Variants in PCDH9 observed in about 807,000 individuals in gnomAD.
PCDH9 encodes the protein protocadherin 9, also known as protocadherin-9.
Under a neutral mutation model 70.6 loss-of-function variants are expected in PCDH9, and 24 were observed. That is an observed-to-expected ratio of 0.34 (90% CI 0.25 to 0.48). The LOEUF (loss-of-function observed/expected upper bound fraction) is 0.48, where lower values mean the gene tolerates loss of function less well. PCDH9 is among the 20% of genes least tolerant of loss of function. PCDH9 has a pLI of 0.99. For synonymous variants in PCDH9, 562 were observed against 558.5 expected (o/e 1.01, Z -0.09); for missense variants, 1,281 against 1,503.6 (o/e 0.85, Z 2.45).
rs1316351036 is a variant in PCDH9, at chr13:67,228,068, G to A, written c.373C>T (p.Leu125=). The A allele has an allele frequency of 1.2e-6, 2 of 1,613,908 alleles. No individual in the cohort carries two copies. Among genetic ancestry groups the A allele is most frequent in the Admixed American group, 1.7e-5 (1 of 59,982 alleles). The change falls in exon 2 of 5, where the codon CTG becomes TTG. Residue 125 remains leucine, a synonymous_variant. Transcript: ENST00000377865. ...VVILPNDFFR[L]IKIKIIVKDT... ...TTGACAATTATTTTTATTTTGATCA[G>A]CCTGAAGAAATCATTGGGGAGGATC...
chr13:66,744,093 A>T (rs1185693804), intron 3 of PCDH9, among the ~76,000 whole-genome samples: 2 of 152,210 alleles, frequency 1.3e-5, no homozygotes, highest in African/African-American at 4.8e-5. Flanking sequence ...TCTTCTCGCA[A>T]AATCATGACT....
Position 67,165,087 on chromosome 13 carries a change from T to C in PCDH9, c.3036+60318A>G, listed in dbSNP as rs1465765653. ...ATAAAGTGTGTTGAAAAACAATATA[T>C]AAAAGAATAAATTAATTAAAAATTT... On this transcript the variant is annotated intron_variant, in intron 2 of 4. Coordinates refer to ENST00000377865, the MANE Select transcript of PCDH9 (RefSeq NM_203487.3). Among the ~76,000 whole-genome samples the C allele has an allele frequency of 2.6e-5, 4 of 152,064 alleles. No individual in the cohort carries two copies. In the East Asian group the frequency reaches 7.7e-4, roughly 29 times the overall value.
chr13:66,551,409 C>T (rs1188100324), intron 4 of PCDH9, among the ~76,000 whole-genome samples: 29 of 152,088 alleles, frequency 1.9e-4, no homozygotes, highest in Non-Finnish European at 1.2e-4. Flanking sequence ...GCTTTCTCTC[C>T]TCTGTTAAAA....
chr13:67,056,744 T>C (rs901274577), intron 2 of PCDH9, among the ~76,000 whole-genome samples: 6 of 152,154 alleles, frequency 3.9e-5, no homozygotes, highest in African/African-American at 1.4e-4. Context: ...ATAATATATG[T>C]AAAGCACTTA....
At chr13:66,540,279 A>T (rs1392239244) in intron 4 of PCDH9, among the ~76,000 whole-genome samples, 1 of 152,148 alleles carries the variant, frequency 6.6e-6, no homozygotes, top group Non-Finnish European at 1.5e-5. Context: ...ACATTTACAT[A>T]TTCATGAAGG....
rs112731208 is a variant in PCDH9 at position 66,601,989 on chromosome 13, C to T, written c.3340+29221G>A. On this transcript the variant is annotated intron_variant, in intron 4 of 4. Transcript: ENST00000377865. ...TACTATATTTTACTCTTTCTTTTAG[C>T]ACATACTCCTTCTACTTATTAAAAA... Among the ~76,000 whole-genome samples the T allele has an allele frequency of 4.9e-4, 71 of 145,758 alleles. 6 individuals carry two copies. The highest frequency in any genetic ancestry group is 1.6e-3 in the African/African-American group (65 of 40,568).
Position 67,225,525 on chromosome 13 carries a change from G to C in PCDH9, c.2916C>G (p.Thr972=). ...AAAGGGTGTCACAACCCCCAACAAA[G>C]GTGTTGTCCAAAGGGAGTTCCTGAA... The part of the protein sequence containing the change: ...HVIQELPLDN[T]FVGGCDTLSK... The change falls in exon 2 of 5, where the codon ACC becomes ACG. Residue 972 remains threonine, a synonymous_variant. Transcript: ENST00000377865. The C allele has an allele frequency of 6.2e-7, 1 of 1,614,038 alleles. No homozygotes were observed. The highest frequency in any genetic ancestry group is 8.5e-7 in the Non-Finnish European group (1 of 1,179,982).
chr13:66,753,032 C>A (rs147020343), intron 3 of PCDH9, among the ~76,000 whole-genome samples: 1 of 152,084 alleles, frequency 6.6e-6, no homozygotes, highest in East Asian at 1.9e-4. Context: ...ATTTTGGAGT[C>A]TTCTAAAAAG....
intron 3 of PCDH9, among the ~76,000 whole-genome samples, chr13:66,822,614 C>T (rs1423542632): frequency 6.6e-6 from 1 of 150,840 alleles, no homozygotes; most frequent in Non-Finnish European, 1.5e-5. Flanking sequence ...GCAGCCTCTC[C>T]TCCTGGGTTC....
At chr13:67,217,793 A>G (rs1339820365) in intron 2 of PCDH9, 1 of 152,054 alleles carries the variant, frequency 6.6e-6, no homozygotes, top group Non-Finnish European at 1.5e-5. Context: ...GAGTCTGCAT[A>G]CACAATTGAG....
chr13:66,771,038 A>G lies in PCDH9; in HGVS notation c.3138+132466T>C, dbSNP rs181363154. The stretch of plus-strand genomic sequence containing the variant: ...TCCAGTATGGCTATTATGTTCCACT[A>G]TGTCTTCACAGCACTCATCTGAAAT... On this transcript the variant is annotated intron_variant, in intron 3 of 4. Transcript: ENST00000377865. Among the ~76,000 whole-genome samples, 6 of 152,238 alleles carry G rather than the reference A, an allele frequency of 3.9e-5. No homozygotes were observed. The East Asian group carries it at 9.7e-4, about 24-fold the overall frequency.
chr13:66,700,922 A>ATG (rs1566514236), intron 3 of PCDH9, among the ~76,000 whole-genome samples: 3 of 46,960 alleles, frequency 6.4e-5, no homozygotes, highest in Admixed American at 2.8e-4. Context: ...GTGTACATAT[A>ATG]AATATATATA....
At chr13:66,562,195 A>G (rs182134737) in intron 4 of PCDH9, among the ~76,000 whole-genome samples, 27 of 152,250 alleles carry the variant, frequency 1.8e-4, no homozygotes, top group African/African-American at 6.5e-4. Flanking sequence ...AAATATATTT[A>G]AAAGGAAAAA....
intron 3 of PCDH9, among the ~76,000 whole-genome samples, chr13:66,743,593 A>G (rs2079307272): frequency 6.6e-6 from 1 of 152,172 alleles, no homozygotes; most frequent in African/African-American, 2.4e-5. Context: ...CATGGTGAAT[A>G]TAGTTAATAA....
chr13:66,622,291 C>T (rs950430401), intron 4 of PCDH9, among the ~76,000 whole-genome samples: 6 of 152,208 alleles, frequency 3.9e-5, no homozygotes, highest in African/African-American at 7.2e-5. Context: ...CCCTGCTCCA[C>T]GGCGCCCAGT....
At chr13:66,369,499 G>C (rs1046655335) in intron 4 of PCDH9, among the ~76,000 whole-genome samples, 4 of 152,002 alleles carry the variant, frequency 2.6e-5, no homozygotes, top group African/African-American at 9.7e-5. Flanking sequence ...TCTTGATGTA[G>C]AGAAGAGTTC....
intron 4 of PCDH9, among the ~76,000 whole-genome samples, chr13:66,603,156 T>G (rs2077183214): frequency 6.9e-6 from 1 of 145,798 alleles, no homozygotes; most frequent in Admixed American, 6.9e-5. Flanking sequence ...CCTATGAGTT[T>G]GAAAAGAAAT....
At chr13:66,392,841 C>G (rs1258754572) in intron 4 of PCDH9, among the ~76,000 whole-genome samples, 5 of 149,030 alleles carry the variant, frequency 3.4e-5, no homozygotes, top group African/African-American at 1.2e-4. Flanking sequence ...CAGCATATTG[C>G]TTTTATTTTC....
chr13:66,573,848 T>C (rs1235473577), intron 4 of PCDH9, among the ~76,000 whole-genome samples: 1 of 152,140 alleles, frequency 6.6e-6, no homozygotes, highest in Non-Finnish European at 1.5e-5. Context: ...TCCCAAACCA[T>C]CCCACTATCG....
Sources: allele counts gnomAD v4.1 joint callset (sites outside exome capture counted in the v4.1 genomes callset), GRCh38; gene constraint gnomAD v4.1.1; transcripts MANE v1.5; gene names NCBI Gene and HGNC (gene_info 2026-07-23, HGNC 2026-07-21).